ESYT3: variants seen among roughly 807,000 people sequenced by gnomAD.
ESYT3 encodes extended synaptotagmin 3, also known as extended synaptotagmin-3.
A neutral mutation model predicts 111.5 loss-of-function variants in ESYT3; 101 were observed. The observed-to-expected ratio is 0.91, with a 90% CI of 0.77 to 1.07. The LOEUF (loss-of-function observed/expected upper bound fraction) is 1.07, where lower values mean the gene tolerates loss of function less well. Among genes scored for constraint, ESYT3 ranks in the 50% least tolerant of loss-of-function variants. ESYT3 has a pLI of 0.00. For missense variants in ESYT3, 1,097 were observed against 1,109.4 expected (o/e 0.99, Z 0.16); for synonymous variants, 416 against 446.8 (o/e 0.93, Z 0.87).
rs761438584 is a variant in ESYT3 at position 138,455,277 on chromosome 3, G to A, written c.453G>A (p.Lys151=). The change falls in exon 3 of 23, where the codon AAG becomes AAA. Residue 151 remains lysine, a synonymous_variant. Coordinates refer to ENST00000389567, the MANE Select transcript of ESYT3 (RefSeq NM_031913.5). ...AACTTGAGCCCAAGATCCGAGAGAA[G>A]AGCATCCACCTGAGGACCTTTACCT... The part of the protein sequence containing the change: ...REKLEPKIRE[K]SIHLRTFTFT... 2.5e-6 allele frequency: 4 copies of A among 1,614,138 alleles called. No individual in the cohort carries two copies. The East Asian group carries it at 6.7e-5, about 27-fold the overall frequency.
chr3:138,472,907 A>G (rs758083943), intron 18 of ESYT3, 48 bp downstream of exon 18: 26 of 1,562,568 alleles, frequency 1.7e-5, no homozygotes, highest in Non-Finnish European at 1.9e-5. Flanking sequence ...TGTATGAAAA[A>G]TACCTCGCTG....
chr3:138,459,170 T>C lies in ESYT3; in HGVS notation c.582-17T>C, dbSNP rs761715535. 65 of 1,490,834 alleles carry C rather than the reference T, an allele frequency of 4.4e-5. No individual in the cohort carries two copies. Among genetic ancestry groups the C allele is most frequent in the Non-Finnish European group, 5.6e-5 (62 of 1,108,708 alleles). 92.4% of individuals were successfully genotyped at this position (1,490,834 alleles called of 1,614,324 possible). A position where few individuals can be genotyped will look rare whatever the true frequency, so the allele number is the denominator to read the frequency against. ...CTACCCCTCCTCCCCACCTTCCTTT[T>C]CCACCCCCCATTTCAGCTACATCGG... is the stretch of plus-strand genomic sequence containing the variant. On this transcript the variant is annotated splice_polypyrimidine_tract_variant and intron_variant, in intron 4 of 22. Transcript: ENST00000389567.
chr3:138,451,062 A>C (rs955505942), intron 1 of ESYT3, among the ~76,000 whole-genome samples: 1 of 152,234 alleles, frequency 6.6e-6, no homozygotes, highest in Non-Finnish European at 1.5e-5. Context: ...GGGGAATGAG[A>C]AGCTCAGCAG....
At chr3:138,468,002 C>T (rs1270406431) in intron 11 of ESYT3, 103 bp from the exon 12 acceptor site, 3 of 1,007,448 alleles carry the variant, frequency 3.0e-6, no homozygotes, top group Non-Finnish European at 4.6e-6. Context: ...GACAGGTTTC[C>T]CTGTCCCTAC....
rs753383716 is a variant in ESYT3, at chr3:138,462,128, C to T, written c.837C>T (p.His279=). The change falls in exon 8 of 23, where the codon CAC becomes CAT. Residue 279 remains histidine, a synonymous_variant. Transcript: ENST00000389567. ...DSLLEDLIAT[H]LVLPNRVTVP... ...TACTGGAGGACCTCATTGCCACCCA[C>T]CTGGTGCTGCCCAACCGTGTGACTG... 8.1e-6 allele frequency: 13 copies of T among 1,614,112 alleles called. No individual in the cohort carries two copies. The highest frequency in any genetic ancestry group is 1.1e-5 in the Non-Finnish European group (13 of 1,180,048).
rs188892259 is a variant in ESYT3, at chr3:138,468,186, C to T, written c.1300C>T (p.Leu434=). ...TTCATTGCTTACTGACCAAGAAGTT[C>T]TGACTGAGGTGAGTGTGGGGTGTCA... ...WLSLLTDQEV[L]TEDHGGLSTA... is the part of the protein sequence containing the mutation. Residue 434 remains leucine (L), a synonymous_variant, in exon 12 of 23, where the codon CTG becomes TTG. Transcript: ENST00000389567. 8 of 1,613,714 alleles carry T rather than the reference C, an allele frequency of 5.0e-6. No homozygotes were observed. In the East Asian group the frequency reaches 1.8e-4, roughly 36 times the overall value.
rs761014130 is a variant in ESYT3, at chr3:138,460,076, G to A, written c.738+42G>A. The A allele has an allele frequency of 7.1e-6, 11 of 1,559,828 alleles. No homozygotes were observed. The Admixed American group carries it at 1.8e-4, about 26-fold the overall frequency. On this transcript the variant is annotated intron_variant, in intron 6 of 22. Coordinates refer to ENST00000389567, the MANE Select transcript of ESYT3 (RefSeq NM_031913.5). ...GCGGTAAGCCTGCTGCTCCCTGGGA[G>A]TAGGCACTGGTCTGCTGGGCCCTAG...
At chr3:138,465,501 C>T (rs1156821721) in intron 10 of ESYT3, 80 bp downstream of exon 10, 2 of 1,139,648 alleles carry the variant, frequency 1.8e-6, no homozygotes, top group Non-Finnish European at 2.5e-6. Context: ...CCTGCTCCTA[C>T]CACTTAATGA....
intron 3 of ESYT3, among the ~76,000 whole-genome samples, chr3:138,456,691 T>C (rs1000861853): frequency 6.6e-6 from 1 of 152,114 alleles, no homozygotes; most frequent in Non-Finnish European, 1.5e-5. Flanking sequence ...GCATGTTCCT[T>C]ATGAGAAGCT....
At position 138,476,905 on chromosome 3, in the gene ESYT3, TA is replaced by T. The variant is rs1215456908; in HGVS notation, c.*52del. 6.7e-7 allele frequency: 1 copy of T among 1,485,922 alleles called. No individual in the cohort carries two copies. The allele number at this position is 1,485,922 out of a possible 1,614,324, so 92.0% of individuals were successfully genotyped here. ...TTATATTAAAATGTATATATATGTA[TA>T]TATTTTTTCCTTTGGATCACTTACA... On this transcript the variant is annotated 3_prime_UTR_variant, in exon 23 of 23. Coordinates refer to ENST00000389567, the MANE Select transcript of ESYT3 (RefSeq NM_031913.5).
In ESYT3 at chr3:138,434,666, C is replaced by T. The variant is rs1052891153; in HGVS notation, c.-133C>T. On this transcript the variant is annotated 5_prime_UTR_variant, in exon 1 of 23. Coordinates refer to ENST00000389567, the MANE Select transcript of ESYT3 (RefSeq NM_031913.5). The stretch of plus-strand genomic sequence containing the variant: ...GCAGAGAACCCTGAGCTCGGCGCGC[C>T]GAGAGTCCCAGCAGGGCAAGGGGGC... 1.5e-5 allele frequency: 12 copies of T among 808,954 alleles called. No homozygotes were observed. The African/African-American group carries it at 2.2e-4, about 15-fold the overall frequency. The allele number at this position is 808,954 out of a possible 1,614,324, so 50.1% of individuals were successfully genotyped here.
rs2042659305 is a variant in ESYT3, at chr3:138,460,606, T to C, written c.739-5T>C. 6.2e-7 allele frequency: 1 copy of C among 1,613,792 alleles called. No homozygotes were observed. The highest frequency in any genetic ancestry group is 1.7e-5 in the Admixed American group (1 of 59,988). Reference sequence around the variant, plus strand: ...CAGCCTAATAGCTTCCCTCTGCCCCTGAAGCACCTACAGATCAACTGGACT... The same window carrying C: ...CAGCCTAATAGCTTCCCTCTGCCCCCGAAGCACCTACAGATCAACTGGACT... On this transcript the variant is annotated splice_region_variant and splice_polypyrimidine_tract_variant and intron_variant, in intron 6 of 22. Coordinates refer to ENST00000389567, the MANE Select transcript of ESYT3 (RefSeq NM_031913.5).
At chr3:138,476,596 T>C (rs2033496298) in intron 22 of ESYT3, 104 bp downstream of exon 22, 4 of 1,187,098 alleles carry the variant, frequency 3.4e-6, no homozygotes, top group Non-Finnish European at 5.0e-6. Context: ...GGGAGGGAGA[T>C]GAACACCTTT....
intron 1 of ESYT3, among the ~76,000 whole-genome samples, chr3:138,442,921 G>T (rs187279935): frequency 9.9e-5 from 15 of 152,246 alleles, no homozygotes; most frequent in African/African-American, 3.6e-4. Context: ...ATCTTTTGGG[G>T]CCTTTGCTAT....
At chr3:138,452,590 G>C (rs144434927) in intron 2 of ESYT3, among the ~76,000 whole-genome samples, 4 of 152,108 alleles carry the variant, frequency 2.6e-5, no homozygotes, top group Admixed American at 2.6e-4. Context: ...AACTCCCCTT[G>C]GGCTCTGCTG....
chr3:138,442,421 A>G (rs1226054167), intron 1 of ESYT3, among the ~76,000 whole-genome samples: 1 of 152,158 alleles, frequency 6.6e-6, no homozygotes, highest in Non-Finnish European at 1.5e-5. Context: ...AACATTGATT[A>G]TATTGGTTAC....
chr3:138,439,319 GGAGC>G (rs1399424832), intron 1 of ESYT3, among the ~76,000 whole-genome samples: 1 of 152,138 alleles, frequency 6.6e-6, no homozygotes, highest in Admixed American at 6.5e-5. Flanking sequence ...GTCAAGGGGT[GGAGC>G]GAGTGGAAGG....
intron 1 of ESYT3, among the ~76,000 whole-genome samples, chr3:138,445,084 G>C (rs2031440874): frequency 6.6e-6 from 1 of 152,238 alleles, no homozygotes; most frequent in African/African-American, 2.4e-5. Context: ...TGTGGGCCCT[G>C]ACCGAGCAGC....
At chr3:138,462,401 G>T (rs1246285186) in intron 8 of ESYT3, 195 bp downstream of exon 8, 19 of 695,454 alleles carry the variant, frequency 2.7e-5, no homozygotes, top group Non-Finnish European at 4.0e-5. Flanking sequence ...TTGGGAGGTA[G>T]TGTCAAATTT....
Sources: gnomAD v4.1 joint callset for allele counts (sites outside exome capture counted in the v4.1 genomes callset) on GRCh38, gnomAD v4.1.1 for gene constraint, MANE v1.5 for transcripts, NCBI Gene and HGNC (gene_info 2026-07-23, HGNC 2026-07-21) for gene names.